Variants in HTR2C observed in about 807,000 individuals in gnomAD.
The protein encoded by HTR2C is 5-hydroxytryptamine receptor 2C.
A neutral mutation model predicts 21.0 loss-of-function variants in HTR2C; 5 were observed. The observed-to-expected ratio is 0.24, with a 90% CI of 0.12 to 0.50. The LOEUF (loss-of-function observed/expected upper bound fraction) is 0.50, where lower values mean the gene tolerates loss of function less well. Ranked by LOEUF, HTR2C falls within the 20% of genes least tolerant of loss-of-function variation. HTR2C has a pLI of 0.98. For missense variants in HTR2C, 271 were observed against 371.2 expected (o/e 0.73, Z 2.22); for synonymous variants, 150 against 145.3 (o/e 1.03, Z -0.23).
At chrX:114,691,061 T>C (rs1007607285) in intron 2 of HTR2C, among the ~76,000 whole-genome samples, 3 of 111,292 alleles carry the variant, frequency 2.7e-5, no homozygotes, top group Non-Finnish European at 5.7e-5. Flanking sequence ...ACTAATTCCA[T>C]TTTATAGAAG....
chrX:114,692,602 T>C (rs1481520402), intron 2 of HTR2C, among the ~76,000 whole-genome samples: 1 of 110,792 alleles, frequency 9.0e-6, no homozygotes, highest in Non-Finnish European at 1.9e-5. Flanking sequence ...ACTTTTGAGA[T>C]CTATTACTGT....
intron 4 of HTR2C, among the ~76,000 whole-genome samples, chrX:114,733,656 A>G (rs1556423840): frequency 9.2e-6 from 1 of 108,977 alleles, no homozygotes; most frequent in Non-Finnish European, 1.9e-5. Context: ...TTATCATCTT[A>G]CAGTACAGAA....
intron 2 of HTR2C, among the ~76,000 whole-genome samples, chrX:114,710,777 G>C (rs782707349): frequency 1.8e-5 from 2 of 111,102 alleles, no homozygotes; most frequent in Non-Finnish European, 3.8e-5. Flanking sequence ...GTACTTCCCA[G>C]GGTATATCAC....
At chrX:114,807,515 A>T (rs1012237526) in intron 4 of HTR2C, among the ~76,000 whole-genome samples, 1 of 34,709 alleles carries the variant, frequency 2.9e-5, no homozygotes, top group Non-Finnish European at 6.6e-5. Flanking sequence ...TACACCATAT[A>T]TATATATACC....
intron 4 of HTR2C, among the ~76,000 whole-genome samples, chrX:114,828,045 T>G (rs896004327): frequency 9.0e-6 from 1 of 110,736 alleles, no homozygotes; most frequent in African/African-American, 3.3e-5. Flanking sequence ...TCTTCATCAA[T>G]TTTTCTCCTC....
chrX:114,630,788 T>A, intron 2 of HTR2C: 1 of 355,131 alleles, frequency 2.8e-6, no homozygotes, highest in Non-Finnish European at 5.5e-6. Flanking sequence ...ACCCCAGCTC[T>A]GCTGTCTACA....
intron 2 of HTR2C, among the ~76,000 whole-genome samples, chrX:114,629,358 G>A (rs782348893): frequency 9.0e-6 from 1 of 111,565 alleles, no homozygotes; most frequent in Non-Finnish European, 1.9e-5. Flanking sequence ...AGCCAAGAAG[G>A]GACTAGGATA....
chrX:114,840,543 T>C (rs897786196), intron 4 of HTR2C, among the ~76,000 whole-genome samples: 1 of 110,975 alleles, frequency 9.0e-6, no homozygotes, highest in African/African-American at 3.3e-5. Flanking sequence ...CAATATCAAA[T>C]GCTCTAACAT....
intron 4 of HTR2C, 100 bp from the exon 5 acceptor site, chrX:114,847,903 A>G (rs1556468071): frequency 5.0e-6 from 3 of 601,912 alleles, no homozygotes. Flanking sequence ...CTTTCTTTAA[A>G]AGGTTTAGAT....
At chrX:114,832,956 AT>A (rs1233813847) in intron 4 of HTR2C, among the ~76,000 whole-genome samples, 2 of 68,223 alleles carry the variant, frequency 2.9e-5, no homozygotes, top group African/African-American at 9.5e-5. Context: ...TATTGAGATA[AT>A]CATGTGGTTT....
At chrX:114,606,341 C>G (rs1335576390) in intron 1 of HTR2C, among the ~76,000 whole-genome samples, 1 of 111,392 alleles carries the variant, frequency 9.0e-6, no homozygotes, top group Non-Finnish European at 1.9e-5. Context: ...CCCAGAAAAG[C>G]GGGACTTGCC....
intron 2 of HTR2C, among the ~76,000 whole-genome samples, chrX:114,630,587 T>C (rs1929570930): frequency 8.9e-6 from 1 of 112,315 alleles, no homozygotes; most frequent in African/African-American, 3.2e-5. Flanking sequence ...GTCCCACAGC[T>C]AGTCAGTGAC....
chrX:114,597,102 C>T (rs2147791082), intron 1 of HTR2C, among the ~76,000 whole-genome samples: 1 of 107,667 alleles, frequency 9.3e-6, no homozygotes, highest in Non-Finnish European at 1.9e-5. Flanking sequence ...CCTGTAATCC[C>T]AGCTATTTGG....
intron 2 of HTR2C, among the ~76,000 whole-genome samples, chrX:114,642,593 C>A (rs1200993518): frequency 9.0e-6 from 1 of 111,480 alleles, no homozygotes; most frequent in Non-Finnish European, 1.9e-5. Context: ...CGGGTAGATG[C>A]CAGTCAGATT....
intron 5 of HTR2C, among the ~76,000 whole-genome samples, chrX:114,903,768 A>G (rs1315820302): frequency 8.9e-6 from 1 of 112,379 alleles, no homozygotes; most frequent in Admixed American, 9.4e-5. Flanking sequence ...ATGAATACTT[A>G]GAATATATGC....
intron 4 of HTR2C, among the ~76,000 whole-genome samples, chrX:114,735,965 T>A (rs2069585991): frequency 1.8e-5 from 2 of 109,709 alleles, no homozygotes. Context: ...ACAAAAAAAA[T>A]AGCCAGGTGT....
intron 2 of HTR2C, among the ~76,000 whole-genome samples, chrX:114,661,416 A>AACAC (rs1556410164): frequency 9.2e-6 from 1 of 108,606 alleles, no homozygotes; most frequent in Non-Finnish European, 1.9e-5. Flanking sequence ...AAAAAAAAAA[A>AACAC]CTATAATATC....
At chrX:114,719,211 A>T (rs1385844911) in intron 2 of HTR2C, among the ~76,000 whole-genome samples, 1 of 109,568 alleles carries the variant, frequency 9.1e-6, no homozygotes, top group African/African-American at 3.3e-5. Context: ...AAATTTGAAA[A>T]CTTGAATTTA....
At chrX:114,634,131 TAGAG>T (rs1929752425) in intron 2 of HTR2C, among the ~76,000 whole-genome samples, 1 of 110,341 alleles carries the variant, frequency 9.1e-6, no homozygotes, top group Non-Finnish European at 1.9e-5. Context: ...TACTCTTAAA[TAGAG>T]AGTTTAAATT....
Sources: gnomAD v4.1 joint callset for allele counts (sites outside exome capture counted in the v4.1 genomes callset) on GRCh38, gnomAD v4.1.1 for gene constraint, MANE v1.5 for transcripts, NCBI Gene and HGNC (gene_info 2026-07-23, HGNC 2026-07-21) for gene names.